HOXD13: variants seen among roughly 807,000 people sequenced by gnomAD.
The protein encoded by HOXD13 is homeobox protein Hox-D13.
HOXD13 carries 16 observed loss-of-function variants against 27.3 expected under a neutral mutation model. The ratio of observed to expected loss-of-function variants is 0.59; its 90% CI spans 0.40 to 0.89. The LOEUF (loss-of-function observed/expected upper bound fraction) is 0.89, where lower values mean the gene tolerates loss of function less well. Ranked by LOEUF, HOXD13 falls within the 40% of genes least tolerant of loss-of-function variation. The probability of loss-of-function intolerance (pLI) is 0.00; values close to 1 mark genes in which losing one functional copy is unlikely to be tolerated. For synonymous variants in HOXD13, 241 were observed against 219.0 expected (o/e 1.10, Z -0.89); for missense variants, 481 against 482.6 (o/e 1.00, Z 0.03).
In HOXD13 at chr2:176,093,064, G is replaced by GGCGGCGGCA. The variant is rs749930395; in HGVS notation, c.183_191dup (p.Ala69_Ala71dup). The GGCGGCGGCA allele has an allele frequency of 8.7e-6, 12 of 1,378,996 alleles. No individual in the cohort carries two copies. The highest frequency in any genetic ancestry group is 1.0e-5 in the Non-Finnish European group (11 of 1,077,134). 85.4% of individuals were successfully genotyped at this position (1,378,996 alleles called of 1,614,324 possible). Reference sequence around the variant, plus strand: ...CCGGGACGCATTCGGGGCGGGCGGCGGCGGCGGCAGCGGCGGCTGCGGCGG... The same window carrying GGCGGCGGCA: ...CCGGGACGCATTCGGGGCGGGCGGCGGCGGCGGCAGCGGCGGCAGCGGCGGCTGCGGCGG... On this transcript the variant is annotated inframe_insertion, in exon 1 of 2. Coordinates refer to ENST00000392539, the MANE Select transcript of HOXD13 (RefSeq NM_000523.4).
chr2:176,094,140 G>C (rs538071300), intron 1 of HOXD13, among the ~76,000 whole-genome samples: 1 of 152,262 alleles, frequency 6.6e-6, no homozygotes, highest in South Asian at 2.1e-4. Flanking sequence ...GTCTATGTAT[G>C]TAAGTTTGTT....
In HOXD13 at chr2:176,093,060, C is replaced by T. The variant is rs755283984; in HGVS notation, c.170C>T (p.Ala57Val). The T allele has an allele frequency of 3.9e-5, 53 of 1,353,876 alleles. 1 individual carries two copies. The highest frequency in any genetic ancestry group is 1.6e-4 in the South Asian group (8 of 51,418). 83.9% of individuals were successfully genotyped at this position (1,353,876 alleles called of 1,614,324 possible). A position where few individuals can be genotyped will look rare whatever the true frequency, so the allele number is the denominator to read the frequency against. ...PVFAGTHSGRAAAAAAAAAAA... is the reference protein window; with the variant it reads ...PVFAGTHSGRVAAAAAAAAAA... ...TTCGCCGGGACGCATTCGGGGCGGG[C>T]GGCGGCGGCGGCAGCGGCGGCTGCG... Residue 57 changes from alanine to valine, a missense_variant, in exon 1 of 2, where the codon GCG becomes GTG. Coordinates refer to ENST00000392539, the MANE Select transcript of HOXD13 (RefSeq NM_000523.4).
chr2:176,095,461 G>A lies in HOXD13; in HGVS notation c.*731G>A, dbSNP rs1240063695. 3 of 229,318 alleles carry A rather than the reference G, an allele frequency of 1.3e-5. No individual in the cohort carries two copies. The highest frequency in any genetic ancestry group is 1.7e-5 in the Non-Finnish European group (2 of 115,572). The allele number at this position is 229,318 out of a possible 1,614,324, so 14.2% of individuals were successfully genotyped here. A position where few individuals can be genotyped will look rare whatever the true frequency, so the allele number is the denominator to read the frequency against. On this transcript the variant is annotated 3_prime_UTR_variant, in exon 2 of 2. Transcript: ENST00000392539. The stretch of plus-strand genomic sequence containing the variant: ...TGAAACTCATGTGTCCTCATGGATC[G>A]TGGATGCCTTCATTTCTTGAGCTCT...
At position 176,094,756 on chromosome 2, in the gene HOXD13, CT is replaced by C; in HGVS notation, c.*28del. The C allele has an allele frequency of 6.2e-7, 1 of 1,610,064 alleles. No individual in the cohort carries two copies. The highest frequency in any genetic ancestry group is 8.5e-7 in the Non-Finnish European group (1 of 1,176,426). On this transcript the variant is annotated 3_prime_UTR_variant, in exon 2 of 2. Transcript: ENST00000392539. ...TGTGGTCCAGGTTGGCCACAGACAGCTTAGAAGCCATTCGGTTGTCTCCAAA... is the reference window on the plus strand; with the variant it reads ...TGTGGTCCAGGTTGGCCACAGACAGCTAGAAGCCATTCGGTTGTCTCCAAA...
Position 176,093,417 on chromosome 2 carries a change from G to A in HOXD13, c.527G>A (p.Ser176Asn), listed in dbSNP as rs779846895. 2 of 1,613,886 alleles carry A rather than the reference G, an allele frequency of 1.2e-6. No homozygotes were observed. The highest frequency in any genetic ancestry group is 1.7e-5 in the Admixed American group (1 of 60,016). Residue 176 changes from serine (S) to asparagine (N), a missense_variant, in exon 1 of 2, where the codon AGC (serine) becomes AAC (asparagine). By Grantham distance (46) the Ser-to-Asn change is conservative. Transcript: ENST00000392539. ...ATGGACGTGTCAGGCCTGGCGAGCA[G>A]CAGCGTACCGGCCAACGAGGTGCCA... The part of the protein sequence containing the change: ...KYMDVSGLAS[S>N]SVPANEVPAR...
At chr2:176,091,130 A>T (rs1689312607), upstream of HOXD13, among the ~76,000 whole-genome samples, 1 of 152,142 alleles carries the variant, frequency 6.6e-6, no homozygotes, top group African/African-American at 2.4e-5. Flanking sequence ...TGCGTTTTGC[A>T]TGTCAACACT....
upstream of HOXD13, among the ~76,000 whole-genome samples, chr2:176,092,471 G>C (rs1689334192): frequency 6.6e-6 from 1 of 151,232 alleles, no homozygotes; most frequent in East Asian, 2.0e-4. Flanking sequence ...CGCCTGGGTC[G>C]GGGGGGAGGG....
chr2:176,093,216 C>T lies in HOXD13; in HGVS notation c.326C>T (p.Ala109Val), dbSNP rs1047101518. The change falls in exon 1 of 2, where the codon GCA becomes GTA. Residue 109 changes from alanine (A) to valine (V), a missense_variant. Coordinates refer to ENST00000392539, the MANE Select transcript of HOXD13 (RefSeq NM_000523.4). ...PEAPPAKECP[A>V]PTPAAAAAAP... ...GCTCCCCCAGCCAAAGAGTGCCCAG[C>T]ACCCACGCCTGCAGCGGCCGCTGCA... 7 of 1,609,636 alleles carry T rather than the reference C, an allele frequency of 4.3e-6. No individual in the cohort carries two copies. In the African/African-American group the frequency reaches 5.3e-5, roughly 12 times the overall value.
rs141649575 is a variant in HOXD13, at chr2:176,094,966, T to A, written c.*236T>A. On this transcript the variant is annotated 3_prime_UTR_variant, in exon 2 of 2. Coordinates refer to ENST00000392539, the MANE Select transcript of HOXD13 (RefSeq NM_000523.4). ...TGGTTTTGTTCTTGCCTAGGGTTTT[T>A]AAAATATCTGTTTTTAATGTTTTGT... is the stretch of plus-strand genomic sequence containing the variant. 6.6e-4 allele frequency: 350 copies of A among 534,006 alleles called. 1 individual carries two copies. The highest frequency in any genetic ancestry group is 5.6e-3 in the African/African-American group (296 of 53,000). 33.1% of individuals were successfully genotyped at this position (534,006 alleles called of 1,614,324 possible). A position where few individuals can be genotyped will look rare whatever the true frequency, so the allele number is the denominator to read the frequency against.
At position 176,093,443 on chromosome 2, in the gene HOXD13, G is replaced by T. The variant is rs1410961093; in HGVS notation, c.553G>T (p.Ala185Ser). 1 of 1,613,956 alleles carries T rather than the reference G, an allele frequency of 6.2e-7. No homozygotes were observed. The highest frequency in any genetic ancestry group is 8.5e-7 in the Non-Finnish European group (1 of 1,180,022). The change falls in exon 1 of 2, where the codon GCG becomes TCG. Residue 185 changes from alanine to serine, a missense_variant. Transcript: ENST00000392539. ...SSSVPANEVPARAKEVSFYQG... is the reference protein window; with the variant it reads ...SSSVPANEVPSRAKEVSFYQG... ...CAGCGTACCGGCCAACGAGGTGCCAGCGCGAGCCAAGGAGGTATCCTTCTA... is the reference window on the plus strand; with the variant it reads ...CAGCGTACCGGCCAACGAGGTGCCATCGCGAGCCAAGGAGGTATCCTTCTA...
Position 176,094,553 on chromosome 2 carries a change from A to G in HOXD13, c.855A>G (p.Lys285=). Residue 285 remains lysine, a synonymous_variant, in exon 2 of 2, where the codon AAA becomes AAG. Coordinates refer to ENST00000392539, the MANE Select transcript of HOXD13 (RefSeq NM_000523.4). ...GGAAGAAGAGAGTGCCTTACACCAA[A>G]CTGCAGCTTAAAGAACTGGAGAACG... The part of the protein sequence containing the change: ...RGRKKRVPYT[K]LQLKELENEY... 1 of 1,614,014 alleles carries G rather than the reference A, an allele frequency of 6.2e-7. No homozygotes were observed. Among genetic ancestry groups the G allele is most frequent in the Non-Finnish European group, 8.5e-7 (1 of 1,179,902 alleles).
upstream of HOXD13, among the ~76,000 whole-genome samples, chr2:176,092,643 G>A (rs1243909489): frequency 2.0e-5 from 3 of 152,240 alleles, no homozygotes; most frequent in South Asian, 2.1e-4. Flanking sequence ...CTCGGGGCGG[G>A]AGGCGGCCCC....
Position 176,092,833 on chromosome 2 carries a change from G to A in HOXD13, c.-58G>A. 9.1e-7 allele frequency: 1 copy of A among 1,103,044 alleles called. No individual in the cohort carries two copies. Among genetic ancestry groups the A allele is most frequent in the Non-Finnish European group, 1.1e-6 (1 of 877,636 alleles). The allele number at this position is 1,103,044 out of a possible 1,614,324, so 68.3% of individuals were successfully genotyped here. ...AAGGAGAGGAGGGAGGAGGCGCGCC[G>A]CGCCATGGTGTCCTGCGCGGGGCCA... On this transcript the variant is annotated 5_prime_UTR_variant, in exon 1 of 2. Transcript: ENST00000392539.
Position 176,093,460 on chromosome 2 carries a change from A to T in HOXD13, c.570A>T (p.Val190=), listed in dbSNP as rs763867556. The change falls in exon 1 of 2, where the codon GTA becomes GTT. Residue 190 remains valine (V), a synonymous_variant. Transcript: ENST00000392539. ...AGGTGCCAGCGCGAGCCAAGGAGGT[A>T]TCCTTCTACCAGGGCTATACGAGCC... ...ANEVPARAKE[V]SFYQGYTSPY... 3.1e-6 allele frequency: 5 copies of T among 1,614,026 alleles called. No individual in the cohort carries two copies. Among genetic ancestry groups the T allele is most frequent in the Non-Finnish European group, 4.2e-6 (5 of 1,180,010 alleles).
chr2:176,095,688 C>T lies in HOXD13; in HGVS notation c.*958C>T, dbSNP rs1035804173. Reference sequence around the variant, plus strand: ...GAACTTGACTGTCTAAACAAGGGGGCCTCGCATGGAGCTGTAAAGCATCTA... The same window carrying T: ...GAACTTGACTGTCTAAACAAGGGGGTCTCGCATGGAGCTGTAAAGCATCTA... On this transcript the variant is annotated 3_prime_UTR_variant, in exon 2 of 2. Coordinates refer to ENST00000392539, the MANE Select transcript of HOXD13 (RefSeq NM_000523.4). 3 of 226,964 alleles carry T rather than the reference C, an allele frequency of 1.3e-5. No homozygotes were observed. Among genetic ancestry groups the T allele is most frequent in the Admixed American group, 1.1e-4 (2 of 17,562 alleles). The allele number at this position is 226,964 out of a possible 1,614,324, so 14.1% of individuals were successfully genotyped here.
chr2:176,087,673 A>G, the HOXD13 span, among the ~76,000 whole-genome samples: 2 of 152,206 alleles, frequency 1.3e-5, no homozygotes, highest in Non-Finnish European at 2.9e-5. Flanking sequence ...TGTGACCGTC[A>G]AGGCCTCTTA....
rs1213904610 is a variant in HOXD13, at chr2:176,093,009, G to T, written c.119G>T (p.Cys40Phe). 3 of 1,385,964 alleles carry T rather than the reference G, an allele frequency of 2.2e-6. No individual in the cohort carries two copies. Among genetic ancestry groups the T allele is most frequent in the Non-Finnish European group, 2.8e-6 (3 of 1,076,570 alleles). 85.9% of individuals were successfully genotyped at this position (1,385,964 alleles called of 1,614,324 possible). Residue 40 changes from cysteine to phenylalanine, a missense_variant, in exon 1 of 2, where the codon TGC (cysteine) becomes TTC (phenylalanine). Coordinates refer to ENST00000392539, the MANE Select transcript of HOXD13 (RefSeq NM_000523.4). ...SVAAAAASGQCRGFLSAPVFA... is the reference protein window; with the variant it reads ...SVAAAAASGQFRGFLSAPVFA... ...GCGGCGGCGGCGGCGTCAGGCCAGT[G>T]CCGCGGCTTTCTCTCCGCGCCTGTG...
chr2:176,094,419 T>A, intron 1 of HOXD13, 61 bp from the exon 2 acceptor site: 40 of 1,368,794 alleles, frequency 2.9e-5, no homozygotes, highest in East Asian at 7.9e-5. Flanking sequence ...ACACACACAA[T>A]CCTCAGCTAG....
Position 176,094,683 on chromosome 2 carries a change from G to A in HOXD13, c.985G>A (p.Val329Met). 6.2e-7 allele frequency: 1 copy of A among 1,614,116 alleles called. No homozygotes were observed. The highest frequency in any genetic ancestry group is 8.5e-7 in the Non-Finnish European group (1 of 1,179,966). Residue 329 changes from valine to methionine, a missense_variant, in exon 2 of 2, where the codon GTG becomes ATG. Coordinates refer to ENST00000392539, the MANE Select transcript of HOXD13 (RefSeq NM_000523.4). ...QVTIWFQNRR[V>M]KDKKIVSKLK... Reference sequence around the variant, plus strand: ...GACCATTTGGTTTCAGAACCGAAGAGTGAAGGACAAGAAAATTGTCTCCAA... The same window carrying A: ...GACCATTTGGTTTCAGAACCGAAGAATGAAGGACAAGAAAATTGTCTCCAA...
Sources: allele counts gnomAD v4.1 joint callset (sites outside exome capture counted in the v4.1 genomes callset), GRCh38; gene constraint gnomAD v4.1.1; transcripts MANE v1.5; gene names NCBI Gene and HGNC (gene_info 2026-07-23, HGNC 2026-07-21).